Variants in SPECC1 observed in about 807,000 individuals in gnomAD.
SPECC1 encodes the protein sperm antigen with calponin homology and coiled-coil domains 1, also known as cytospin-B.
In SPECC1, 62 loss-of-function variants were observed where a neutral mutation model predicts 104.1. The ratio of observed to expected loss-of-function variants is 0.60; its 90% CI spans 0.49 to 0.74. The LOEUF (loss-of-function observed/expected upper bound fraction) is 0.74, where lower values mean the gene tolerates loss of function less well. SPECC1 is among the 30% of genes least tolerant of loss of function. The pLI is 0.00. For missense variants in SPECC1, 1,306 were observed against 1,310.5 expected, an observed-to-expected ratio of 1.00 and a Z score of 0.05; for synonymous variants, 513 against 501.6, an observed-to-expected ratio of 1.02 and a Z score of -0.30.
intron 5 of SPECC1, among the ~76,000 whole-genome samples, chr17:20,230,054 A>G (rs2038476885): frequency 2.0e-5 from 3 of 152,250 alleles, no homozygotes; most frequent in Admixed American, 1.3e-4. Flanking sequence ...AGTGTTATTC[A>G]GGAAGAGGAA....
intron 12 of SPECC1, among the ~76,000 whole-genome samples, chr17:20,270,102 A>C (rs1261318786): frequency 2.0e-5 from 3 of 152,084 alleles, no homozygotes; most frequent in African/African-American, 4.8e-5. Context: ...CCAGAGGCTG[A>C]GGAGAGAGGG....
chr17:20,027,058 A>G (rs750815432), intron 1 of SPECC1, among the ~76,000 whole-genome samples: 2 of 152,092 alleles, frequency 1.3e-5, no homozygotes, highest in Non-Finnish European at 2.9e-5. Flanking sequence ...ATTTTTTCAT[A>G]CTTGTTGGCT....
In SPECC1 at chr17:20,222,302, C is replaced by T. The variant is rs1375631843; in HGVS notation, c.1864-5111C>T. ...TGAAGCGAGATCGCACCACCACACTCCAGCCTGGGAGACAGAGCGAGATTG... is the reference window on the plus strand; with the variant it reads ...TGAAGCGAGATCGCACCACCACACTTCAGCCTGGGAGACAGAGCGAGATTG... On this transcript the variant is annotated intron_variant, in intron 4 of 14. Coordinates refer to ENST00000395527, the MANE Select transcript of SPECC1 (RefSeq NM_001243439.2). Among the ~76,000 whole-genome samples the T allele has an allele frequency of 1.3e-5, 2 of 152,084 alleles. 1 individual carries two copies. Among genetic ancestry groups the T allele is most frequent in the Non-Finnish European group, 2.9e-5 (2 of 68,022 alleles).
At chr17:20,198,204 T>C (rs906369732) in intron 3 of SPECC1, among the ~76,000 whole-genome samples, 5 of 152,226 alleles carry the variant, frequency 3.3e-5, no homozygotes, top group African/African-American at 1.2e-4. Context: ...CTGGTGAGGC[T>C]TAAATTTGCC....
intron 1 of SPECC1, among the ~76,000 whole-genome samples, chr17:20,010,782 G>C (rs762845690): frequency 1.3e-5 from 2 of 152,144 alleles, no homozygotes; most frequent in Non-Finnish European, 2.9e-5. Context: ...TCTTGGGCTT[G>C]GTTTTAGGGA....
intron 12 of SPECC1, among the ~76,000 whole-genome samples, chr17:20,271,662 A>G (rs1346903591): frequency 6.6e-6 from 1 of 151,908 alleles, no homozygotes; most frequent in Non-Finnish European, 1.5e-5. Context: ...CTCTTCCATC[A>G]TGGCTGCCCT....
chr17:20,143,045 T>C (rs1397387342), intron 3 of SPECC1, among the ~76,000 whole-genome samples: 1 of 151,474 alleles, frequency 6.6e-6, no homozygotes, highest in Non-Finnish European at 1.5e-5. Flanking sequence ...TTACATATAT[T>C]TTACCACAAT....
chr17:20,093,639 G>A (rs2047501208), intron 1 of SPECC1, among the ~76,000 whole-genome samples: 1 of 152,068 alleles, frequency 6.6e-6, no homozygotes, highest in Non-Finnish European at 1.5e-5. Flanking sequence ...GCCTAGGGGT[G>A]CACCTGCTCC....
chr17:20,159,809 C>T (rs1250205637), intron 3 of SPECC1, among the ~76,000 whole-genome samples: 1 of 152,136 alleles, frequency 6.6e-6, no homozygotes, highest in African/African-American at 2.4e-5. Flanking sequence ...GTTAACAGTC[C>T]TTCAGTTTCC....
intron 1 of SPECC1, among the ~76,000 whole-genome samples, chr17:20,013,694 G>A (rs2044019888): frequency 6.6e-6 from 1 of 152,112 alleles, no homozygotes; most frequent in African/African-American, 2.4e-5. Context: ...GTGGGGACAG[G>A]TTTTAACCGT....
intron 10 of SPECC1, among the ~76,000 whole-genome samples, chr17:20,254,553 G>A (rs980398269): frequency 1.3e-5 from 2 of 152,112 alleles, no homozygotes; most frequent in Non-Finnish European, 2.9e-5. Flanking sequence ...GACCCAGTTC[G>A]CCTGCCCAGA....
intron 1 of SPECC1, among the ~76,000 whole-genome samples, chr17:20,051,078 T>TTC (rs757012768): frequency 5.5e-4 from 34 of 62,326 alleles, no homozygotes; most frequent in Non-Finnish European, 9.4e-4. Flanking sequence ...TTTTCTTTCT[T>TTC]TCTTTCTTTC....
At chr17:20,119,887 A>G (rs2048943918) in intron 3 of SPECC1, among the ~76,000 whole-genome samples, 1 of 152,232 alleles carries the variant, frequency 6.6e-6, no homozygotes, top group South Asian at 2.1e-4. Context: ...AAATGCTTCA[A>G]AATCTGAAAT....
At chr17:20,270,073 G>A (rs1439315009) in intron 12 of SPECC1, among the ~76,000 whole-genome samples, 6 of 152,118 alleles carry the variant, frequency 3.9e-5, no homozygotes, top group Non-Finnish European at 8.8e-5. Flanking sequence ...CACAGAAACA[G>A]AAAGCAGATG....
In SPECC1 at chr17:20,245,983, T is replaced by C. The variant is rs778662945; in HGVS notation, c.2409T>C (p.Gly803=). The change falls in exon 8 of 15, where the codon GGT becomes GGC. Residue 803 remains glycine, a synonymous_variant. Transcript: ENST00000395527. ...TCGATGCTGCTGGTCGGTGGCCTGGTGTCTGTGTTAGCAGAACATCTCCAA... is the reference window on the plus strand; with the variant it reads ...TCGATGCTGCTGGTCGGTGGCCTGGCGTCTGTGTTAGCAGAACATCTCCAA... ...SEVDAAGRWP[G]VCVSRTSPTP... The C allele has an allele frequency of 2.5e-6, 4 of 1,614,194 alleles. No individual in the cohort carries two copies. Among genetic ancestry groups the C allele is most frequent in the South Asian group, 1.1e-5 (1 of 91,082 alleles).
chr17:20,129,182 T>C (rs1040477675), intron 3 of SPECC1, among the ~76,000 whole-genome samples: 1 of 148,962 alleles, frequency 6.7e-6, no homozygotes, highest in African/African-American at 2.5e-5. Flanking sequence ...GCCTGTTTTG[T>C]TTTTTTTTGT....
chr17:20,019,773 C>T lies in SPECC1; in HGVS notation c.-22+10349C>T, dbSNP rs570563054. ...TCTGCCACTTCTCTTCCAGCTTTCC[C>T]ACGGAGCCACCCTGATCACCCCCAT... On this transcript the variant is annotated intron_variant, in intron 1 of 14. Transcript: ENST00000395527. Among the ~76,000 whole-genome samples the T allele has an allele frequency of 5.9e-5, 9 of 152,264 alleles. No homozygotes were observed. In the East Asian group the frequency reaches 7.7e-4, roughly 13 times the overall value.
chr17:20,291,068 C>T (rs1025977712), intron 12 of SPECC1, among the ~76,000 whole-genome samples: 1 of 152,170 alleles, frequency 6.6e-6, no homozygotes, highest in East Asian at 1.9e-4. Context: ...AGAAGGAGAA[C>T]CTGGCCCGTT....
chr17:20,179,760 A>G (rs998309668), intron 3 of SPECC1, among the ~76,000 whole-genome samples: 3 of 152,232 alleles, frequency 2.0e-5, no homozygotes, highest in African/African-American at 4.8e-5. Context: ...ATGAAGATAG[A>G]AGAAAATGAA....
Sources: gnomAD v4.1 joint callset for allele counts (sites outside exome capture counted in the v4.1 genomes callset) on GRCh38, gnomAD v4.1.1 for gene constraint, MANE v1.5 for transcripts, NCBI Gene and HGNC (gene_info 2026-07-23, HGNC 2026-07-21) for gene names.